Variants in TICRR observed in about 807,000 individuals in gnomAD.
TICRR encodes the protein TOPBP1 interacting checkpoint and replication regulator.
TICRR carries 132 observed loss-of-function variants against 178.1 expected under a neutral mutation model. The observed-to-expected ratio is 0.74, with a 90% confidence interval of 0.64 to 0.86. The LOEUF is 0.86. Among genes scored for constraint, TICRR ranks in the 40% least tolerant of loss-of-function variants. The pLI, the probability that TICRR is intolerant of heterozygous loss-of-function variation, is 0.00. For missense variants in TICRR, 2,587 were observed against 2,334.3 expected, an observed-to-expected ratio of 1.11 and a Z score of -2.23; for synonymous variants, 991 against 900.7, an observed-to-expected ratio of 1.10 and a Z score of -1.79.
intron 7 of TICRR, among the ~76,000 whole-genome samples, chr15:89,598,587 C>A (rs1236851874): frequency 6.7e-6 from 1 of 148,566 alleles, no homozygotes; most frequent in Non-Finnish European, 1.5e-5. Flanking sequence ...TGGTCTTGAA[C>A]TCCTGACCTC....
At position 89,621,507 on chromosome 15, in the gene TICRR, G is replaced by A. The variant is rs749665843; in HGVS notation, c.3269G>A (p.Arg1090His). ...AAGGGTTCAGCTCGAATGAAAAAGCGTTCAAGAAACACTTTGGATTCGGAG... is the reference window on the plus strand; with the variant it reads ...AAGGGTTCAGCTCGAATGAAAAAGCATTCAAGAAACACTTTGGATTCGGAG... The part of the protein sequence containing the change: ...SEKGSARMKK[R>H]SRNTLDSEVP... The change falls in exon 19 of 22, where the codon CGT (arginine) becomes CAT (histidine). Residue 1090 changes from arginine (R) to histidine (H), a missense_variant. Arg to His is a conservative substitution (Grantham distance 29). Coordinates refer to ENST00000268138, the MANE Select transcript of TICRR (RefSeq NM_152259.4). 4.0e-5 allele frequency: 65 copies of A among 1,613,756 alleles called. No individual in the cohort carries two copies. The highest frequency in any genetic ancestry group is 1.4e-4 in the South Asian group (13 of 91,014).
At chr15:89,606,160 TA>T (rs1379788952) in intron 13 of TICRR, among the ~76,000 whole-genome samples, 4 of 152,230 alleles carry the variant, frequency 2.6e-5, no homozygotes, top group Non-Finnish European at 4.4e-5. Context: ...ACCAAAGATT[TA>T]TGCAGATCCG....
At chr15:89,583,886 C>G (rs1184932421) in intron 2 of TICRR, among the ~76,000 whole-genome samples, 2 of 152,118 alleles carry the variant, frequency 1.3e-5, no homozygotes, top group African/African-American at 4.8e-5. Flanking sequence ...GGGGTTTTGC[C>G]TTGATGCCCA....
At chr15:89,626,665 C>G (rs1963533669) in intron 21 of TICRR, among the ~76,000 whole-genome samples, 1 of 152,078 alleles carries the variant, frequency 6.6e-6, no homozygotes, top group Non-Finnish European at 1.5e-5. Flanking sequence ...ACAGCATAAC[C>G]CCAGAGATCT....
rs565360158 is a variant in TICRR, at chr15:89,627,468, G to T, written c.*382G>T. ...CTGGGGTCCCTTGAGCTGCTGTAAG[G>T]CTGGGCTGCTGCGACACAGGCAGCG... On this transcript the variant is annotated 3_prime_UTR_variant, in exon 22 of 22. Transcript: ENST00000268138. 1.8e-5 allele frequency: 4 copies of T among 218,510 alleles called. No homozygotes were observed. In the East Asian group the frequency reaches 4.4e-4, roughly 24 times the overall value. 13.5% of individuals were successfully genotyped at this position (218,510 alleles called of 1,614,324 possible).
At chr15:89,600,710 A>C (rs1963079387) in intron 9 of TICRR, 25 bp downstream of exon 9, 1 of 1,139,792 alleles carries the variant, frequency 8.8e-7, no homozygotes, top group African/African-American at 1.6e-5. Flanking sequence ...TTTTTTAAAA[A>C]ATCATCACTC....
Position 89,625,682 on chromosome 15 carries a change from G to T in TICRR, c.5372G>T (p.Cys1791Phe). Reference protein sequence around the residue: ...EEADRGAKRICDLREDSEVSK... With the variant: ...EEADRGAKRIFDLREDSEVSK... ...GCTGACCGTGGAGCCAAAAGGATCT[G>T]TGACCTGAGAGAAGATTCAGAAGTT... Residue 1791 changes from cysteine to phenylalanine, a missense_variant, in exon 20 of 22, where the codon TGT becomes TTT. Physicochemically the swap from Cys to Phe is radical, Grantham distance 205. Coordinates refer to ENST00000268138, the MANE Select transcript of TICRR (RefSeq NM_152259.4). 6.2e-7 allele frequency: 1 copy of T among 1,613,784 alleles called. No homozygotes were observed. Among genetic ancestry groups the T allele is most frequent in the Non-Finnish European group, 8.5e-7 (1 of 1,180,034 alleles).
At chr15:89,598,100 A>G (rs1019945922) in intron 7 of TICRR, among the ~76,000 whole-genome samples, 3 of 151,644 alleles carry the variant, frequency 2.0e-5, no homozygotes, top group Non-Finnish European at 4.4e-5. Context: ...CAAATTTGCT[A>G]TAATCACTTG....
intron 14 of TICRR, among the ~76,000 whole-genome samples, chr15:89,608,346 A>G (rs1288278368): frequency 6.6e-6 from 1 of 152,232 alleles, no homozygotes; most frequent in African/African-American, 2.4e-5. Context: ...ATAACAAGTA[A>G]AAAGTTTGAA....
rs773284716 is a variant in TICRR at position 89,584,446 on chromosome 15, A to C, written c.1095A>C (p.Gly365=). The change falls in exon 3 of 22, where the codon GGA becomes GGC. Residue 365 remains glycine, a synonymous_variant. Coordinates refer to ENST00000268138, the MANE Select transcript of TICRR (RefSeq NM_152259.4). The part of the protein sequence containing the change: ...STLGTDSWML[G]SPEESTATQR... Reference sequence around the variant, plus strand: ...TGGGCACTGACAGCTGGATGCTAGGAAGTCCAGAGGAGAGCACAGCAACTC... The same window carrying C: ...TGGGCACTGACAGCTGGATGCTAGGCAGTCCAGAGGAGAGCACAGCAACTC... 2.5e-6 allele frequency: 4 copies of C among 1,613,980 alleles called. No homozygotes were observed. Among genetic ancestry groups the C allele is most frequent in the Non-Finnish European group, 3.4e-6 (4 of 1,179,910 alleles).
chr15:89,599,525 G>A, intron 8 of TICRR, 50 bp downstream of exon 8: 1 of 1,572,458 alleles, frequency 6.4e-7, no homozygotes, highest in Non-Finnish European at 8.6e-7. Flanking sequence ...TGGTTGGTTG[G>A]TTGGTTGGTG....
chr15:89,616,031 C>T (rs557289511), intron 15 of TICRR, among the ~76,000 whole-genome samples: 7 of 152,014 alleles, frequency 4.6e-5, no homozygotes, highest in East Asian at 3.9e-4. Flanking sequence ...CTTACAGGCA[C>T]GCACCACCTC....
chr15:89,578,676 C>G (rs1338160964), intron 1 of TICRR, among the ~76,000 whole-genome samples: 4 of 149,298 alleles, frequency 2.7e-5, no homozygotes, highest in Non-Finnish European at 5.9e-5. Context: ...TTTTGAATAG[C>G]ATTGAAATAA....
rs201955364 is a variant in TICRR, at chr15:89,582,783, A to G, written c.752A>G (p.Asp251Gly). The G allele has an allele frequency of 1.4e-4, 221 of 1,614,132 alleles. 2 individuals carry two copies. In the African/African-American group the frequency reaches 2.7e-3, roughly 20 times the overall value. ...TVLPSESFSW[D>G]FAQAGEMLLR... The stretch of plus-strand genomic sequence containing the variant: ...TTGCCATCTGAATCTTTCAGCTGGG[A>G]TTTTGCTCAAGCTGGGGAAATGCTG... The change falls in exon 2 of 22, where the codon GAT (aspartate) becomes GGT (glycine). Residue 251 changes from aspartate to glycine, a missense_variant. Physicochemically the swap from Asp to Gly is moderately conservative, Grantham distance 94. Coordinates refer to ENST00000268138, the MANE Select transcript of TICRR (RefSeq NM_152259.4).
Position 89,576,347 on chromosome 15 carries a change from T to A in TICRR, c.654+107T>A, listed in dbSNP as rs1042284345. 1.3e-5 allele frequency: 14 copies of A among 1,041,006 alleles called. No homozygotes were observed. The African/African-American group carries it at 1.5e-4, about 11-fold the overall frequency. 64.5% of individuals were successfully genotyped at this position (1,041,006 alleles called of 1,614,324 possible). Reference sequence around the variant, plus strand: ...CCACAGACCCCGAATGAGACTAATATGACTATGCGTCCCTTCGGAAGGAAA... The same window carrying A: ...CCACAGACCCCGAATGAGACTAATAAGACTATGCGTCCCTTCGGAAGGAAA... On this transcript the variant is annotated intron_variant, in intron 1 of 21. Coordinates refer to ENST00000268138, the MANE Select transcript of TICRR (RefSeq NM_152259.4).
At position 89,585,976 on chromosome 15, in the gene TICRR, G is replaced by T. The variant is rs368492482; in HGVS notation, c.1411+34G>T. 4 of 1,581,154 alleles carry T rather than the reference G, an allele frequency of 2.5e-6. 1 individual carries two copies. The highest frequency in any genetic ancestry group is 3.4e-4 in the Middle Eastern group (2 of 5,896). Reference sequence around the variant, plus strand: ...CTAAACTAGTAACTAACAGAGTCTAGGGTGGTTTGCAGTCTTTTCAAGCAT... The same window carrying T: ...CTAAACTAGTAACTAACAGAGTCTATGGTGGTTTGCAGTCTTTTCAAGCAT... On this transcript the variant is annotated intron_variant, in intron 4 of 21. Transcript: ENST00000268138.
At chr15:89,618,074 G>T in intron 16 of TICRR, 78 bp from the exon 17 acceptor site, 1 of 1,411,472 alleles carries the variant, frequency 7.1e-7, no homozygotes, top group East Asian at 2.3e-5. Flanking sequence ...ATCTTGTTAA[G>T]TGAGAAGCTG....
intron 18 of TICRR, among the ~76,000 whole-genome samples, chr15:89,620,462 C>G (rs1026898240): frequency 6.6e-6 from 1 of 152,254 alleles, no homozygotes; most frequent in Non-Finnish European, 1.5e-5. Context: ...TCTGCCTCGG[C>G]CTCCCAAAGT....
intron 3 of TICRR, 106 bp downstream of exon 3, chr15:89,584,633 A>T: frequency 8.4e-7 from 1 of 1,187,256 alleles, no homozygotes; most frequent in East Asian, 2.7e-5. Flanking sequence ...AGTAAAACTG[A>T]TTATGCTTTT....
Sources: allele counts gnomAD v4.1 joint callset (sites outside exome capture counted in the v4.1 genomes callset), GRCh38; gene constraint gnomAD v4.1.1; transcripts MANE v1.5; gene names NCBI Gene and HGNC (gene_info 2026-07-23, HGNC 2026-07-21).